Variants in CACNA1B observed in about 807,000 individuals in gnomAD.
The protein encoded by CACNA1B is calcium voltage-gated channel subunit alpha1 B.
A neutral mutation model predicts 247.2 loss-of-function variants in CACNA1B; 70 were observed. That is an observed-to-expected ratio of 0.28 (90% CI 0.23 to 0.35). CACNA1B has a LOEUF of 0.35. Among genes scored for constraint, CACNA1B ranks in the 10% least tolerant of loss-of-function variants. The probability of loss-of-function intolerance (pLI) is 1.00; values close to 1 mark genes in which losing one functional copy is unlikely to be tolerated. For synonymous variants in CACNA1B, 1,231 were observed against 1,294.4 expected, an observed-to-expected ratio of 0.95 and a Z score of 1.05; for missense variants, 2,367 against 3,197.4, an observed-to-expected ratio of 0.74 and a Z score of 6.26.
intron 20 of CACNA1B, among the ~76,000 whole-genome samples, chr9:138,035,928 G>A (rs1406479552): frequency 2.0e-5 from 3 of 152,076 alleles, no homozygotes; most frequent in Non-Finnish European, 4.4e-5. Context: ...TTTTCCAAGT[G>A]TGATTAAGAA....
chr9:138,120,428 G>T (rs565243176), intron 45 of CACNA1B, 56 bp downstream of exon 45: 1 of 1,492,684 alleles, frequency 6.7e-7, no homozygotes, highest in Non-Finnish European at 9.0e-7. Flanking sequence ...GAGTCAGGGG[G>T]TCCAAGCGGC....
chr9:138,083,512 G>A (rs62580956), intron 36 of CACNA1B, among the ~76,000 whole-genome samples: 25,472 of 150,342 alleles, frequency 0.17, 2,900 homozygotes, highest in East Asian at 0.37. Context: ...GAAATGGTGC[G>A]TTGGCCACCC....
rs201591503 is a variant in CACNA1B, at chr9:137,878,116, C to T, written c.183C>T (p.Pro61=). The change falls in exon 1 of 47, where the codon CCC becomes CCT. Residue 61 remains proline, a synonymous_variant. Coordinates refer to ENST00000371372, the MANE Select transcript of CACNA1B (RefSeq NM_000718.4). The stretch of plus-strand genomic sequence containing the variant: ...CGCGGACCATGGCGCTGTACAACCC[C>T]ATCCCGGTCAAGCAGAACTGCTTCA... ...QRARTMALYN[P]IPVKQNCFTV... is the part of the protein sequence containing the mutation. The T allele has an allele frequency of 2.7e-5, 36 of 1,341,896 alleles. No individual in the cohort carries two copies. In the East Asian group the frequency reaches 1.1e-3, roughly 41 times the overall value. 83.1% of individuals were successfully genotyped at this position (1,341,896 alleles called of 1,614,324 possible). A position where few individuals can be genotyped will look rare whatever the true frequency, so the allele number is the denominator to read the frequency against.
rs4066675 is a variant in CACNA1B at position 138,020,098 on chromosome 9, CA to C, written c.2268-2892del. ...GGCGACACAGCGAGACTCTGTCTCCCAAAAAAAAAAAAAAAAAAAAATGCAG... is the reference window on the plus strand; with the variant it reads ...GGCGACACAGCGAGACTCTGTCTCCCAAAAAAAAAAAAAAAAAAAATGCAG... On this transcript the variant is annotated intron_variant, in intron 18 of 46. Coordinates refer to ENST00000371372, the MANE Select transcript of CACNA1B (RefSeq NM_000718.4). The surrounding 1 kb of genome is among the most constrained non-coding windows in gnomAD (Gnocchi z 4.1). Among the ~76,000 whole-genome samples, 3,322 of 83,782 alleles carry C rather than the reference CA, an allele frequency of 0.04. 72 individuals are homozygous for C. Among genetic ancestry groups the C allele is most frequent in the African/African-American group, 0.11 (2,782 of 25,788 alleles). The allele number at this position is 83,782 out of a possible 152,430, so 55.0% of individuals were successfully genotyped here. A position where few individuals can be genotyped will look rare whatever the true frequency, so the allele number is the denominator to read the frequency against.
intron 39 of CACNA1B, among the ~76,000 whole-genome samples, chr9:138,108,652 A>AT (rs532418637): frequency 0.019 from 2,839 of 146,180 alleles, 66 homozygotes; most frequent in African/African-American, 0.055. Context: ...AGCAAACTGA[A>AT]TTTTTTTTTT....
intron 42 of CACNA1B, among the ~76,000 whole-genome samples, chr9:138,116,518 A>G (rs1961872598): frequency 6.6e-6 from 1 of 152,200 alleles, no homozygotes; most frequent in Non-Finnish European, 1.5e-5. Flanking sequence ...CCTTGCATTT[A>G]AAGTCCTGAT....
chr9:137,975,605 C>T (rs1958210357), intron 11 of CACNA1B, among the ~76,000 whole-genome samples: 1 of 152,206 alleles, frequency 6.6e-6, no homozygotes, highest in Non-Finnish European at 1.5e-5. Flanking sequence ...GGGGCACCCC[C>T]ATGACCCCAG....
At position 138,022,809 on chromosome 9, in the gene CACNA1B, G is replaced by T. The variant is rs115443320; in HGVS notation, c.2268-202G>T. Among the ~76,000 whole-genome samples the T allele has an allele frequency of 0.3, 41,787 of 140,726 alleles. 8,071 individuals are homozygous for T. Among genetic ancestry groups the T allele is most frequent in the East Asian group, 0.62 (3,081 of 4,980 alleles). 92.3% of individuals were successfully genotyped at this position (140,726 alleles called of 152,430 possible). On this transcript the variant is annotated intron_variant, in intron 18 of 46. Coordinates refer to ENST00000371372, the MANE Select transcript of CACNA1B (RefSeq NM_000718.4). Reference sequence around the variant, plus strand: ...TGCGGGTCCTGTGGGACACCGTGGGGGGGGGGGGCGGCGGGGCTGAATTCG... The same window carrying T: ...TGCGGGTCCTGTGGGACACCGTGGGTGGGGGGGGCGGCGGGGCTGAATTCG...
At chr9:137,911,966 G>A (rs954801022) in intron 3 of CACNA1B, among the ~76,000 whole-genome samples, 2 of 152,200 alleles carry the variant, frequency 1.3e-5, no homozygotes, top group Non-Finnish European at 2.9e-5. Flanking sequence ...AAGGGGGAAG[G>A]AGCAGGACTG....
At position 138,052,065 on chromosome 9, in the gene CACNA1B, T is replaced by C; in HGVS notation, c.3711-27T>C. ...TGGGCACACCCATGCCTCCTGCCTG[T>C]CTGCATCTGTGGCTTCTCCCTTCTA... On this transcript the variant is annotated intron_variant, in intron 24 of 46. Coordinates refer to ENST00000371372, the MANE Select transcript of CACNA1B (RefSeq NM_000718.4). The surrounding 1 kb of genome is among the most constrained non-coding windows in gnomAD (Gnocchi z 5.1). The C allele has an allele frequency of 7.3e-7, 1 of 1,362,020 alleles. No homozygotes were observed. The highest frequency in any genetic ancestry group is 1.0e-6 in the Non-Finnish European group (1 of 953,864). 84.4% of individuals were successfully genotyped at this position (1,362,020 alleles called of 1,614,324 possible).
chr9:138,059,875 C>A lies in CACNA1B; in HGVS notation c.4668+138C>A. 1 of 636,206 alleles carries A rather than the reference C, an allele frequency of 1.6e-6. No individual in the cohort carries two copies. Among genetic ancestry groups the A allele is most frequent in the East Asian group, 2.7e-5 (1 of 37,640 alleles). The allele number at this position is 636,206 out of a possible 1,614,324, so 39.4% of individuals were successfully genotyped here. On this transcript the variant is annotated intron_variant, in intron 31 of 46. Coordinates refer to ENST00000371372, the MANE Select transcript of CACNA1B (RefSeq NM_000718.4). The surrounding 1 kb of genome is among the most constrained non-coding windows in gnomAD (Gnocchi z 4.2). ...ACCCCCTGGACATGTGGAGGCTTCG[C>A]TCCAGGGGTGGAGTTTAGGGATTGG...
intron 25 of CACNA1B, 146 bp from the exon 26 acceptor site, chr9:138,053,700 T>A (rs2133493896): frequency 2.4e-5 from 8 of 336,314 alleles, no homozygotes; most frequent in East Asian, 1.4e-4. Flanking sequence ...GCCCCACCCA[T>A]TCCCTTACGG....
At chr9:138,065,328 C>T (rs989497721) in intron 31 of CACNA1B, among the ~76,000 whole-genome samples, 1 of 152,122 alleles carries the variant, frequency 6.6e-6, no homozygotes, top group African/African-American at 2.4e-5. Flanking sequence ...TGTATGAAAA[C>T]TCGAGTTGTG....
At chr9:138,083,114 C>T (rs562431962) in intron 36 of CACNA1B, among the ~76,000 whole-genome samples, 2 of 150,828 alleles carry the variant, frequency 1.3e-5, no homozygotes, top group South Asian at 2.1e-4. Flanking sequence ...GGGGTCCACA[C>T]ACCTGTGCTC....
chr9:137,977,322 G>T (rs112059206), intron 12 of CACNA1B, among the ~76,000 whole-genome samples: 9 of 11,922 alleles, frequency 7.5e-4, no homozygotes, highest in South Asian at 6.1e-3. Flanking sequence ...GTGTTTCCCA[G>T]CTTACCATGA....
intron 44 of CACNA1B, among the ~76,000 whole-genome samples, chr9:138,119,004 T>C (rs1016004172): frequency 1.3e-5 from 2 of 152,036 alleles, no homozygotes; most frequent in Non-Finnish European, 2.9e-5. Context: ...GTGGGTCAGG[T>C]CCGGTAGAGG....
intron 36 of CACNA1B, among the ~76,000 whole-genome samples, chr9:138,093,327 A>T (rs1356774808): frequency 2.1e-5 from 3 of 142,856 alleles, no homozygotes; most frequent in African/African-American, 7.8e-5. Context: ...CTGAGGCATG[A>T]GAATCGCTTG....
chr9:137,894,209 C>T (rs1957143957), intron 3 of CACNA1B, among the ~76,000 whole-genome samples: 1 of 151,954 alleles, frequency 6.6e-6, no homozygotes, highest in Non-Finnish European at 1.5e-5. Context: ...AACTGCCAAA[C>T]TCTCAGCCAG....
Position 138,058,465 on chromosome 9 carries a change from G to T in CACNA1B, c.4309-104G>T. ...GGGCTGCTTCAATTTGTCTTCTGTTGTCAGGGCTCCCTGTGAGGCCTGGCG... is the reference window on the plus strand; with the variant it reads ...GGGCTGCTTCAATTTGTCTTCTGTTTTCAGGGCTCCCTGTGAGGCCTGGCG... On this transcript the variant is annotated intron_variant, in intron 28 of 46. Transcript: ENST00000371372. This position sits in a 1 kb window ranked among gnomAD's most constrained non-coding sequence, Gnocchi z 4.7. 8.9e-7 allele frequency: 1 copy of T among 1,125,632 alleles called. No homozygotes were observed. Among genetic ancestry groups the T allele is most frequent in the Non-Finnish European group, 1.3e-6 (1 of 786,550 alleles). The allele number at this position is 1,125,632 out of a possible 1,614,324, so 69.7% of individuals were successfully genotyped here.
Sources: gnomAD v4.1 joint callset for allele counts (sites outside exome capture counted in the v4.1 genomes callset) on GRCh38, gnomAD v4.1.1 for gene constraint, Gnocchi (gnomAD v3.1) non-coding constraint, MANE v1.5 for transcripts, NCBI Gene and HGNC (gene_info 2026-07-23, HGNC 2026-07-21) for gene names.